Variants in ATXN1 observed in about 807,000 individuals in gnomAD.
The protein encoded by ATXN1 is ataxin-1.
ATXN1 carries 8 observed loss-of-function variants against 56.4 expected under a neutral mutation model. That is an observed-to-expected ratio of 0.14 (90% CI 0.08 to 0.26). ATXN1 has a LOEUF of 0.26. Ranked by LOEUF, ATXN1 falls within the 10% of genes least tolerant of loss-of-function variation. ATXN1 has a pLI of 1.00. For missense variants in ATXN1, 987 were observed against 1,106.5 expected (o/e 0.89, Z 1.53); for synonymous variants, 514 against 494.6 (o/e 1.04, Z -0.52).
chr6:16,457,186 G>A (rs1309606084), intron 6 of ATXN1, among the ~76,000 whole-genome samples: 1 of 152,116 alleles, frequency 6.6e-6, no homozygotes, highest in Non-Finnish European at 1.5e-5. Flanking sequence ...ACTTTTCTCA[G>A]TCCTCTTTGT....
In ATXN1 at chr6:16,326,758, A is replaced by G; in HGVS notation, c.1553T>C (p.Val518Ala). The G allele has an allele frequency of 6.2e-7, 1 of 1,613,366 alleles. No individual in the cohort carries two copies. Among genetic ancestry groups the G allele is most frequent in the Non-Finnish European group, 8.5e-7 (1 of 1,179,622 alleles). Residue 518 changes from valine to alanine, a missense_variant, in exon 7 of 8, where the codon GTG (valine) becomes GCG (alanine). This residue lies in a region of ATXN1 where 723 missense variants were observed against 791.7 expected (regional missense o/e 0.91). Coordinates refer to ENST00000436367, the MANE Select transcript of ATXN1 (RefSeq NM_001128164.2). This position sits in a 1 kb window ranked among gnomAD's most constrained non-coding sequence, Gnocchi z 6.6. ...IVTSSPQFAA[V>A]PHTFVTTALP... ...GGCGGTGGTGACGAACGTGTGAGGC[A>G]CTGCAGCAAACTGGGGGGATGACGT...
intron 2 of ATXN1, among the ~76,000 whole-genome samples, chr6:16,740,358 A>G (rs1164453743): frequency 6.6e-6 from 1 of 152,216 alleles, no homozygotes; most frequent in Non-Finnish European, 1.5e-5. Context: ...AGCAGAATAA[A>G]GCTGATTCAC....
chr6:16,381,252 C>T (rs1254279150), intron 6 of ATXN1, among the ~76,000 whole-genome samples: 3 of 152,008 alleles, frequency 2.0e-5, no homozygotes, highest in Admixed American at 2.0e-4. Flanking sequence ...CACCACTGCA[C>T]CCCAGCCTGG....
At position 16,301,217 on chromosome 6, in the gene ATXN1, A is replaced by AAGTG. The variant is rs1441424808; in HGVS notation, c.*5108_*5111dup. On this transcript the variant is annotated 3_prime_UTR_variant, in exon 8 of 8. Coordinates refer to ENST00000436367, the MANE Select transcript of ATXN1 (RefSeq NM_001128164.2). ...TTTAAAACATTACCTGTACTCCTCA[A>AAGTG]AGTGAGTGCTTCAAAATTTTGTTTT... 6.5e-6 allele frequency: 1 copy of AAGTG among 152,694 alleles called. No individual in the cohort carries two copies. Among genetic ancestry groups the AAGTG allele is most frequent in the East Asian group, 1.9e-4 (1 of 5,186 alleles). 9.5% of individuals were successfully genotyped at this position (152,694 alleles called of 1,614,324 possible). A position where few individuals can be genotyped will look rare whatever the true frequency, so the allele number is the denominator to read the frequency against.
At chr6:16,423,041 A>G (rs1759068342) in intron 6 of ATXN1, among the ~76,000 whole-genome samples, 1 of 152,242 alleles carries the variant, frequency 6.6e-6, no homozygotes, top group South Asian at 2.1e-4. Flanking sequence ...ATAAAGGGAC[A>G]GTCAGTGGAA....
intron 4 of ATXN1, among the ~76,000 whole-genome samples, chr6:16,553,630 T>C (rs1163781549): frequency 1.3e-5 from 2 of 152,222 alleles, no homozygotes; most frequent in Non-Finnish European, 2.9e-5. Context: ...GTTGACAGAC[T>C]GATTGAAAAT....
At chr6:16,335,919 C>G (rs1006426285) in intron 6 of ATXN1, among the ~76,000 whole-genome samples, 1 of 152,240 alleles carries the variant, frequency 6.6e-6, no homozygotes, top group Non-Finnish European at 1.5e-5. Flanking sequence ...ATGAAGGGAA[C>G]ATGGCTCCAC....
At chr6:16,412,871 G>C (rs1166971801) in intron 6 of ATXN1, among the ~76,000 whole-genome samples, 2 of 152,234 alleles carry the variant, frequency 1.3e-5, no homozygotes, top group East Asian at 3.8e-4. Flanking sequence ...GCCTTGGGGA[G>C]AGAGTTTGCT....
intron 3 of ATXN1, among the ~76,000 whole-genome samples, chr6:16,606,331 A>G (rs1323256697): frequency 6.6e-6 from 1 of 152,086 alleles, no homozygotes; most frequent in Non-Finnish European, 1.5e-5. Flanking sequence ...AACACATGTG[A>G]TGGGTACCTG....
At chr6:16,351,256 T>G (rs1344986083) in intron 6 of ATXN1, among the ~76,000 whole-genome samples, 1 of 152,174 alleles carries the variant, frequency 6.6e-6, no homozygotes, top group African/African-American at 2.4e-5. Flanking sequence ...ATGAAGGAAA[T>G]GGGCAGAGGA....
rs1244455594 is a variant in ATXN1 at position 16,304,802 on chromosome 6, C to T, written c.*1527G>A. 2 of 152,614 alleles carry T rather than the reference C, an allele frequency of 1.3e-5. No homozygotes were observed. The highest frequency in any genetic ancestry group is 1.9e-4 in the East Asian group (1 of 5,204). 9.5% of individuals were successfully genotyped at this position (152,614 alleles called of 1,614,324 possible). On this transcript the variant is annotated 3_prime_UTR_variant, in exon 8 of 8. Transcript: ENST00000436367. Reference sequence around the variant, plus strand: ...AGTTATAAACTCAATATGTGCAAATCGCAAGGTTCTTTAAAAGTTCATCTT... The same window carrying T: ...AGTTATAAACTCAATATGTGCAAATTGCAAGGTTCTTTAAAAGTTCATCTT...
chr6:16,561,477 T>A (rs1489828246), intron 4 of ATXN1, among the ~76,000 whole-genome samples: 1 of 152,254 alleles, frequency 6.6e-6, no homozygotes, highest in Non-Finnish European at 1.5e-5. Context: ...CATAGAGCCA[T>A]ACTTTTCACT....
rs1385732592 is a variant in ATXN1 at position 16,459,231 on chromosome 6, T to C, written c.-161+26741A>G. 3.3e-5 allele frequency among the ~76,000 whole-genome samples: 5 copies of C among 152,160 alleles called. No homozygotes were observed. The East Asian group carries it at 9.6e-4, about 29-fold the overall frequency. On this transcript the variant is annotated intron_variant, in intron 6 of 7. Transcript: ENST00000436367. Reference sequence around the variant, plus strand: ...AAGTTACCCATTTGTTGTCCCCTACTTGAGGAGGGAATCAACCCTGAAGTC... The same window carrying C: ...AAGTTACCCATTTGTTGTCCCCTACCTGAGGAGGGAATCAACCCTGAAGTC...
chr6:16,622,306 A>G (rs1320321614), intron 3 of ATXN1, among the ~76,000 whole-genome samples: 1 of 152,158 alleles, frequency 6.6e-6, no homozygotes, highest in Non-Finnish European at 1.5e-5. Context: ...AACGGTAAGG[A>G]GCTTAGCTCA....
At chr6:16,373,031 C>T (rs1398060597) in intron 6 of ATXN1, among the ~76,000 whole-genome samples, 1 of 152,140 alleles carries the variant, frequency 6.6e-6, no homozygotes, top group Admixed American at 6.5e-5. Flanking sequence ...AGGAAGGGGA[C>T]ATGTGATACG....
chr6:16,731,023 TCA>T (rs1197568840), intron 2 of ATXN1, among the ~76,000 whole-genome samples: 1 of 152,172 alleles, frequency 6.6e-6, no homozygotes, highest in East Asian at 1.9e-4. Context: ...TTGCACAATT[TCA>T]CATTCCTGGA....
intron 6 of ATXN1, among the ~76,000 whole-genome samples, chr6:16,349,489 G>A (rs556905043): frequency 1.2e-4 from 18 of 151,638 alleles, no homozygotes; most frequent in Middle Eastern, 3.4e-3. Context: ...GTGACAGAGC[G>A]AGACTGTGTC....
At chr6:16,479,209 CA>C (rs200279035) in intron 6 of ATXN1, among the ~76,000 whole-genome samples, 14 of 150,776 alleles carry the variant, frequency 9.3e-5, no homozygotes, top group South Asian at 2.1e-4. Flanking sequence ...AGCACAAATA[CA>C]AAAAAAAATT....
chr6:16,447,122 CT>C (rs1759651912), intron 6 of ATXN1, among the ~76,000 whole-genome samples: 3 of 152,180 alleles, frequency 2.0e-5, no homozygotes, highest in African/African-American at 7.2e-5. Flanking sequence ...TGTTGAATGA[CT>C]CAGTTTCCCT....
Sources: gnomAD v4.1 joint callset for allele counts (sites outside exome capture counted in the v4.1 genomes callset) on GRCh38, gnomAD v4.1.1 for gene constraint, gnomAD v4.1.1 regional missense constraint, Gnocchi (gnomAD v3.1) non-coding constraint, MANE v1.5 for transcripts, NCBI Gene and HGNC (gene_info 2026-07-23, HGNC 2026-07-21) for gene names.